Variants in MYRIP observed in about 807,000 individuals in gnomAD.
MYRIP encodes myosin VIIA and Rab interacting protein.
MYRIP carries 49 observed loss-of-function variants against 98.0 expected under a neutral mutation model. That is an observed-to-expected ratio of 0.50 (90% CI 0.40 to 0.63). The LOEUF (loss-of-function observed/expected upper bound fraction) is 0.63, where lower values mean the gene tolerates loss of function less well. MYRIP is among the 30% of genes least tolerant of loss of function. The probability of loss-of-function intolerance (pLI) is 0.00; values close to 1 mark genes in which losing one functional copy is unlikely to be tolerated. For missense variants in MYRIP, 1,004 were observed against 1,058.2 expected, an observed-to-expected ratio of 0.95 and a Z score of 0.71; for synonymous variants, 404 against 409.5, an observed-to-expected ratio of 0.99 and a Z score of 0.16.
At chr3:40,237,341 TG>T (rs1952852250) in intron 12 of MYRIP, among the ~76,000 whole-genome samples, 1 of 152,148 alleles carries the variant, frequency 6.6e-6, no homozygotes. Context: ...ATTCTTTGTG[TG>T]GGGGCTGTCC....
At chr3:39,914,034 A>T (rs1944090663) in intron 2 of MYRIP, among the ~76,000 whole-genome samples, 1 of 152,176 alleles carries the variant, frequency 6.6e-6, no homozygotes, top group Non-Finnish European at 1.5e-5. Context: ...CATTCAGATG[A>T]GATGCTGCAT....
chr3:39,842,373 C>T (rs1941830369), intron 1 of MYRIP, among the ~76,000 whole-genome samples: 1 of 152,170 alleles, frequency 6.6e-6, no homozygotes, highest in Non-Finnish European at 1.5e-5. Flanking sequence ...AATTTCAAGC[C>T]AGTGGAGCTT....
chr3:40,252,925 A>C (rs1953425189), intron 16 of MYRIP, among the ~76,000 whole-genome samples: 1 of 152,244 alleles, frequency 6.6e-6, no homozygotes, highest in Admixed American at 6.5e-5. Flanking sequence ...CCACCGATTA[A>C]GAAAGCGTTT....
At chr3:40,166,729 G>T in intron 5 of MYRIP, 117 bp from the exon 6 acceptor site, 1 of 693,774 alleles carries the variant, frequency 1.4e-6, no homozygotes, top group Non-Finnish European at 2.5e-6. Flanking sequence ...TGTGTGCCAT[G>T]GTAAACAGCT....
intron 12 of MYRIP, 54 bp downstream of exon 12, chr3:40,234,107 T>A: frequency 6.6e-7 from 1 of 1,523,150 alleles, no homozygotes; most frequent in Non-Finnish European, 8.8e-7. Context: ...AAGAAGAAGC[T>A]GATGAAATTG....
intron 2 of MYRIP, among the ~76,000 whole-genome samples, chr3:39,961,302 C>T (rs1945320447): frequency 6.6e-6 from 1 of 152,064 alleles, no homozygotes; most frequent in South Asian, 2.1e-4. Context: ...AAGAGATCCA[C>T]ACGCATTTCC....
At chr3:39,993,286 A>G (rs181950435) in intron 2 of MYRIP, among the ~76,000 whole-genome samples, 12 of 152,336 alleles carry the variant, frequency 7.9e-5, no homozygotes, top group African/African-American at 2.9e-4. Flanking sequence ...ATCACCTCTT[A>G]GAGGTCTCAC....
In MYRIP at chr3:40,190,084, A is replaced by C; in HGVS notation, c.1286A>C (p.Gln429Pro). 1 of 1,613,968 alleles carries C rather than the reference A, an allele frequency of 6.2e-7. No homozygotes were observed. Among genetic ancestry groups the C allele is most frequent in the Non-Finnish European group, 8.5e-7 (1 of 1,179,932 alleles). ...RNPQPQPTQA[Q>P]SSDQGPIAAS... ...CCCCAGCCTCAGCCCACACAGGCCC[A>C]GAGCTCTGACCAAGGCCCCATAGCT... is the stretch of plus-strand genomic sequence containing the variant. The change falls in exon 10 of 17, where the codon CAG (glutamine) becomes CCG (proline). Residue 429 changes from glutamine (Q) to proline (P), a missense_variant. Physicochemically the swap from Gln to Pro is moderately conservative, Grantham distance 76 (BLOSUM62 -1). Around this residue, in one of 3 missense-constraint regions of MYRIP, gnomAD observed 880 missense variants for 907.7 expected, o/e 0.97. Coordinates refer to ENST00000302541, the MANE Select transcript of MYRIP (RefSeq NM_015460.4).
At chr3:40,254,687 C>T (rs1034693357) in intron 16 of MYRIP, among the ~76,000 whole-genome samples, 1 of 152,132 alleles carries the variant, frequency 6.6e-6, no homozygotes, top group Non-Finnish European at 1.5e-5. Flanking sequence ...GCTTGCATGA[C>T]CCAGTTCTCA....
chr3:39,922,646 G>A (rs894121386), intron 2 of MYRIP, among the ~76,000 whole-genome samples: 3 of 152,184 alleles, frequency 2.0e-5, no homozygotes, highest in African/African-American at 4.8e-5. Context: ...CCCTCCTCAG[G>A]TATCAACAGA....
chr3:40,016,657 T>C (rs1376508124), intron 2 of MYRIP, among the ~76,000 whole-genome samples: 2 of 152,224 alleles, frequency 1.3e-5, no homozygotes, highest in Admixed American at 6.5e-5. Flanking sequence ...AGGGAATTCC[T>C]TTCAACACAG....
intron 2 of MYRIP, among the ~76,000 whole-genome samples, chr3:39,957,672 T>C (rs1282521380): frequency 6.6e-6 from 1 of 152,038 alleles, no homozygotes; most frequent in African/African-American, 2.4e-5. Flanking sequence ...TTGGAAGTTC[T>C]GGCCAGGGCA....
intron 4 of MYRIP, among the ~76,000 whole-genome samples, chr3:40,156,362 T>G (rs532708154): frequency 6.6e-6 from 1 of 152,238 alleles, no homozygotes; most frequent in Non-Finnish European, 1.5e-5. Context: ...ATTTCTGTTT[T>G]GGTACCAGTA....
chr3:39,989,526 C>T (rs1026841491), intron 2 of MYRIP, among the ~76,000 whole-genome samples: 1 of 152,228 alleles, frequency 6.6e-6, no homozygotes, highest in Admixed American at 6.5e-5. Context: ...ACGCATTTAA[C>T]AAAGCACTTT....
At chr3:40,163,808 G>A (rs1304184088) in intron 5 of MYRIP, among the ~76,000 whole-genome samples, 1 of 152,082 alleles carries the variant, frequency 6.6e-6, no homozygotes, top group Non-Finnish European at 1.5e-5. Context: ...TCCCATAATA[G>A]ATCTCCTATT....
intron 1 of MYRIP, among the ~76,000 whole-genome samples, chr3:39,874,862 A>T (rs1399790944): frequency 6.6e-6 from 1 of 152,170 alleles, no homozygotes; most frequent in African/African-American, 2.4e-5. Flanking sequence ...TCATAAAATG[A>T]GTAAGGGAAG....
intron 3 of MYRIP, among the ~76,000 whole-genome samples, chr3:40,055,076 A>G (rs1393610770): frequency 2.0e-5 from 3 of 152,050 alleles, no homozygotes; most frequent in Non-Finnish European, 4.4e-5. Flanking sequence ...GCTTATTTAC[A>G]TGGTAGGGAA....
chr3:40,112,670 C>G (rs1329670204), intron 3 of MYRIP, among the ~76,000 whole-genome samples: 1 of 152,192 alleles, frequency 6.6e-6, no homozygotes, highest in Non-Finnish European at 1.5e-5. Flanking sequence ...GACATATTGG[C>G]ACGTGCAGCC....
intron 2 of MYRIP, among the ~76,000 whole-genome samples, chr3:40,009,385 T>G (rs1337558196): frequency 6.6e-6 from 1 of 152,044 alleles, no homozygotes; most frequent in East Asian, 1.9e-4. Flanking sequence ...TCCAGGCACC[T>G]GCCACCACAC....
Sources: gnomAD v4.1 joint callset for allele counts (sites outside exome capture counted in the v4.1 genomes callset) on GRCh38, gnomAD v4.1.1 for gene constraint, gnomAD v4.1.1 regional missense constraint, MANE v1.5 for transcripts, NCBI Gene and HGNC (gene_info 2026-07-23, HGNC 2026-07-21) for gene names.